The following TOX2 variants were observed in gnomAD, a reference collection of about 807,000 sequenced individuals.
TOX2 encodes granulosa cell HMG box 1.
TOX2 carries 15 observed loss-of-function variants against 47.4 expected under a neutral mutation model. The ratio of observed to expected loss-of-function variants is 0.32; its 90% confidence interval spans 0.21 to 0.49. The LOEUF is 0.49. Among genes scored for constraint, TOX2 ranks in the 20% least tolerant of loss-of-function variants. The pLI is 0.99. For missense variants in TOX2, 622 were observed against 673.1 expected, an observed-to-expected ratio of 0.92 and a Z score of 0.84; for synonymous variants, 290 against 296.6, an observed-to-expected ratio of 0.98 and a Z score of 0.23.
chr20:43,997,651 T>C (rs967444989), intron 2 of TOX2, among the ~76,000 whole-genome samples: 16 of 152,224 alleles, frequency 1.1e-4, no homozygotes, highest in Non-Finnish European at 1.9e-4. Flanking sequence ...ATTTTATTTT[T>C]CTCCTACAGA....
At chr20:44,030,957 A>G (rs2071140850) in intron 3 of TOX2, among the ~76,000 whole-genome samples, 2 of 152,096 alleles carry the variant, frequency 1.3e-5, no homozygotes, top group Non-Finnish European at 2.9e-5. Flanking sequence ...TTCCTTAAAA[A>G]CCCTCAGTAA....
At chr20:44,046,493 C>T (rs544541524) in intron 3 of TOX2, among the ~76,000 whole-genome samples, 9 of 152,192 alleles carry the variant, frequency 5.9e-5, no homozygotes, top group South Asian at 2.1e-4. Context: ...AGAGTCTCCA[C>T]GAGATACTTG....
intron 1 of TOX2, among the ~76,000 whole-genome samples, chr20:43,965,528 G>T (rs2069836111): frequency 1.3e-5 from 2 of 152,202 alleles, no homozygotes; most frequent in African/African-American, 4.8e-5. Flanking sequence ...AACAGTGATT[G>T]TTGCCTCCAA....
chr20:44,041,575 C>T (rs765781114), intron 3 of TOX2, among the ~76,000 whole-genome samples: 26 of 152,126 alleles, frequency 1.7e-4, no homozygotes, highest in Middle Eastern at 3.4e-3. Flanking sequence ...ACTGTGAGAC[C>T]CTGAAGTGCG....
intron 5 of TOX2, among the ~76,000 whole-genome samples, chr20:44,058,609 T>TAAA (rs1411451100): frequency 6.6e-6 from 1 of 152,144 alleles, no homozygotes. Flanking sequence ...CCAGTGCACT[T>TAAA]AAAAATACAA....
intron 1 of TOX2, among the ~76,000 whole-genome samples, chr20:43,964,819 T>C (rs1478842671): frequency 6.6e-6 from 1 of 152,168 alleles, no homozygotes; most frequent in Non-Finnish European, 1.5e-5. Context: ...AGGGCTGGTA[T>C]ACAGTAGGTG....
At chr20:43,956,024 T>TAG (rs35597587) in intron 1 of TOX2, among the ~76,000 whole-genome samples, 27,784 of 152,154 alleles carry the variant, frequency 0.18, 3,273 homozygotes, top group Admixed American at 0.3. Flanking sequence ...ATTCCATGAA[T>TAG]GGGCCCTTCC....
In TOX2 at chr20:44,026,248, TAGACAC is replaced by T. The variant is rs375443692; in HGVS notation, c.411+19458_411+19463del. ...ACTGTGATATATATATATATATATA[TAGACAC>T]ACACACACACAATGGAATACTACTC... is the stretch of plus-strand genomic sequence containing the variant. On this transcript the variant is annotated intron_variant, in intron 3 of 8. Coordinates refer to ENST00000341197, the MANE Select transcript of TOX2 (RefSeq NM_001098797.2). Among the ~76,000 whole-genome samples the T allele has an allele frequency of 1.2e-3, 80 of 67,730 alleles. 13 individuals are homozygous for T. The highest frequency in any genetic ancestry group is 2.8e-3 in the South Asian group (6 of 2,162). 44.4% of individuals were successfully genotyped at this position (67,730 alleles called of 152,430 possible).
intron 5 of TOX2, among the ~76,000 whole-genome samples, chr20:44,059,563 A>G (rs372271566): frequency 2.0e-5 from 3 of 151,930 alleles, no homozygotes; most frequent in East Asian, 3.9e-4. Context: ...AACCTTTCAG[A>G]TTAACAGCAG....
At chr20:43,993,902 C>T (rs2145559491) in intron 2 of TOX2, among the ~76,000 whole-genome samples, 1 of 152,254 alleles carries the variant, frequency 6.6e-6, no homozygotes, top group East Asian at 1.9e-4. Flanking sequence ...CGTGTAATCC[C>T]AGCACTTCGG....
intron 1 of TOX2, among the ~76,000 whole-genome samples, chr20:43,932,701 T>C (rs1332661227): frequency 6.6e-6 from 1 of 152,042 alleles, no homozygotes; most frequent in South Asian, 2.1e-4. Context: ...GGAGGGGCTT[T>C]GAGGGGCTCA....
At chr20:44,046,447 T>C (rs2071409260) in intron 3 of TOX2, among the ~76,000 whole-genome samples, 1 of 152,230 alleles carries the variant, frequency 6.6e-6, no homozygotes, top group South Asian at 2.1e-4. Context: ...ATACGGCAAT[T>C]GGAATTCTGG....
At chr20:43,942,758 A>T (rs1227721629) in intron 1 of TOX2, among the ~76,000 whole-genome samples, 1 of 152,184 alleles carries the variant, frequency 6.6e-6, no homozygotes, top group African/African-American at 2.4e-5. Flanking sequence ...GCCTCCATGG[A>T]TAAGAAGAGA....
intron 2 of TOX2, among the ~76,000 whole-genome samples, chr20:43,996,235 G>A (rs568823541): frequency 1.3e-5 from 2 of 152,232 alleles, no homozygotes; most frequent in Non-Finnish European, 2.9e-5. Context: ...TCTCATTATG[G>A]TTTTGATTTG....
intron 1 of TOX2, among the ~76,000 whole-genome samples, chr20:43,959,569 G>T (rs183876996): frequency 1.3e-5 from 2 of 152,268 alleles, no homozygotes; most frequent in Admixed American, 1.3e-4. Flanking sequence ...GAACGCTGTC[G>T]TTGACATATT....
intron 2 of TOX2, among the ~76,000 whole-genome samples, chr20:43,998,659 T>G (rs1007467761): frequency 6.6e-6 from 1 of 152,220 alleles, no homozygotes; most frequent in African/African-American, 2.4e-5. Context: ...AGTGCTTTTT[T>G]GCCCTGATTT....
intron 1 of TOX2, among the ~76,000 whole-genome samples, chr20:43,932,776 C>T (rs948651072): frequency 7.2e-6 from 1 of 139,064 alleles, no homozygotes; most frequent in Non-Finnish European, 1.5e-5. Flanking sequence ...GGGTTGCTGC[C>T]CCCCCCCGCC....
At position 44,006,683 on chromosome 20, in the gene TOX2, C is replaced by G. The variant is rs372508386; in HGVS notation, c.302C>G (p.Pro101Arg). 1.2e-6 allele frequency: 2 copies of G among 1,613,978 alleles called. No homozygotes were observed. Among genetic ancestry groups the G allele is most frequent in the African/African-American group, 1.3e-5 (1 of 74,894 alleles). The change falls in exon 3 of 9, where the codon CCC (proline) becomes CGC (arginine). Residue 101 changes from proline to arginine, a missense_variant. By Grantham distance (103) the Pro-to-Arg change is moderately radical (BLOSUM62 -2). This residue lies in a region of TOX2 where 307 missense variants were observed against 327.3 expected (regional missense o/e 0.94). Transcript: ENST00000341197. ...CACTCGCTGTGCCACGGCCTCACCC[C>G]CAACGGTCTGCTCCCTGCCTACTCC... ...SYHSLCHGLT[P>R]NGLLPAYSYQ...
chr20:44,013,527 T>C (rs566262801), intron 3 of TOX2, among the ~76,000 whole-genome samples: 1 of 152,376 alleles, frequency 6.6e-6, no homozygotes, highest in East Asian at 1.9e-4. Context: ...TTCATTTCAT[T>C]ACTCTTAATG....
Sources: allele counts gnomAD v4.1 joint callset (sites outside exome capture counted in the v4.1 genomes callset), GRCh38; gene constraint gnomAD v4.1.1; regional missense constraint gnomAD v4.1.1; transcripts MANE v1.5; gene names NCBI Gene and HGNC (gene_info 2026-07-23, HGNC 2026-07-21).